PRRC1: variants seen among roughly 807,000 people sequenced by gnomAD.
PRRC1 encodes the protein protein PRRC1.
A neutral mutation model predicts 40.7 loss-of-function variants in PRRC1; 39 were observed. The observed-to-expected ratio is 0.96, with a 90% CI of 0.74 to 1.25. The LOEUF is 1.25. Ranked by LOEUF, PRRC1 falls within the 50% of genes most tolerant of loss-of-function variation. PRRC1 has a pLI of 0.00. For synonymous variants in PRRC1, 175 were observed against 193.3 expected, an observed-to-expected ratio of 0.91 and a Z score of 0.79; for missense variants, 573 against 548.3, an observed-to-expected ratio of 1.05 and a Z score of -0.45.
chr5:127,542,475 G>C lies in PRRC1; in HGVS notation c.1025+3332G>C, dbSNP rs534709973. On this transcript the variant is annotated intron_variant, in intron 7 of 8. Coordinates refer to ENST00000296666, the MANE Select transcript of PRRC1 (RefSeq NM_130809.5). ...ATCTGTCTAATGTTGACAGTGGGGT[G>C]TTAAAATCTCCCATTATTATTGTGT... Among the ~76,000 whole-genome samples, 4 of 152,170 alleles carry C rather than the reference G, an allele frequency of 2.6e-5. No homozygotes were observed. The South Asian group carries it at 8.3e-4, about 32-fold the overall frequency.
At chr5:127,544,676 C>G (rs1418311904) in intron 7 of PRRC1, among the ~76,000 whole-genome samples, 2 of 152,258 alleles carry the variant, frequency 1.3e-5, no homozygotes, top group Non-Finnish European at 2.9e-5. Context: ...GCATAGGACC[C>G]TCTGAACCAG....
At position 127,552,686 on chromosome 5, in the gene PRRC1, G is replaced by A. The variant is rs963148464; in HGVS notation, c.*770G>A. Reference sequence around the variant, plus strand: ...AATCAGAAGTATTCAAATTATTTTTGTATAATACTGTTCAGTACTTCCAAG... The same window carrying A: ...AATCAGAAGTATTCAAATTATTTTTATATAATACTGTTCAGTACTTCCAAG... On this transcript the variant is annotated 3_prime_UTR_variant, in exon 9 of 9. Coordinates refer to ENST00000296666, the MANE Select transcript of PRRC1 (RefSeq NM_130809.5). The A allele has an allele frequency of 1.0e-5, 10 of 982,260 alleles. No individual in the cohort carries two copies. In the African/African-American group the frequency reaches 1.4e-4, roughly 14 times the overall value. The allele number at this position is 982,260 out of a possible 1,614,324, so 60.8% of individuals were successfully genotyped here.
chr5:127,552,416 C>A lies in PRRC1; in HGVS notation c.*500C>A. On this transcript the variant is annotated 3_prime_UTR_variant, in exon 9 of 9. Transcript: ENST00000296666. ...CCTGCTCAACAGTCACTATAAGACA[C>A]CTACTTGTCGGGAGATGTTCCACAT... is the stretch of plus-strand genomic sequence containing the variant. The A allele has an allele frequency of 1.1e-6, 1 of 931,218 alleles. No homozygotes were observed. Among genetic ancestry groups the A allele is most frequent in the African/African-American group, 1.8e-5 (1 of 56,654 alleles). The allele number at this position is 931,218 out of a possible 1,614,324, so 57.7% of individuals were successfully genotyped here. A position where few individuals can be genotyped will look rare whatever the true frequency, so the allele number is the denominator to read the frequency against.
intron 7 of PRRC1, 67 bp from the exon 8 acceptor site, chr5:127,547,752 T>C: frequency 1.9e-6 from 2 of 1,080,316 alleles, no homozygotes; most frequent in Non-Finnish European, 2.8e-6. Flanking sequence ...TTGTTTTTTC[T>C]TTTTGTCTAT....
chr5:127,531,617 C>CTTCTTTTTTTTTTTTTTTTTTTTTT (rs1268819647), intron 5 of PRRC1, among the ~76,000 whole-genome samples: 16 of 99,646 alleles, frequency 1.6e-4, no homozygotes, highest in African/African-American at 7.4e-4. Context: ...TCTTCTTCTT[C>CTTCTTTTTTTTTTTTTTTTTTTTTT]TTTTTTTTTT....
At chr5:127,525,000 T>C in intron 3 of PRRC1, 80 bp downstream of exon 3, 1 of 1,343,592 alleles carries the variant, frequency 7.4e-7, no homozygotes, top group Non-Finnish European at 1.0e-6. Context: ...TTTGTTGAGA[T>C]ATAATTTATG....
At chr5:127,546,974 A>G (rs552100560) in intron 7 of PRRC1, among the ~76,000 whole-genome samples, 94 of 152,258 alleles carry the variant, frequency 6.2e-4, no homozygotes, top group African/African-American at 2.2e-3. Flanking sequence ...AAAGTTATTT[A>G]TGTTACTGTA....
intron 6 of PRRC1, among the ~76,000 whole-genome samples, chr5:127,536,889 A>G (rs1046946020): frequency 2.6e-5 from 4 of 151,914 alleles, no homozygotes; most frequent in Non-Finnish European, 5.9e-5. Context: ...GAAACAGTAG[A>G]GGGAGCTAAT....
At position 127,547,839 on chromosome 5, in the gene PRRC1, T is replaced by C; in HGVS notation, c.1046T>C (p.Leu349Ser). 1 of 1,613,054 alleles carries C rather than the reference T, an allele frequency of 6.2e-7. No individual in the cohort carries two copies. Among genetic ancestry groups the C allele is most frequent in the Non-Finnish European group, 8.5e-7 (1 of 1,179,358 alleles). Residue 349 changes from leucine to serine, a missense_variant, in exon 8 of 9, where the codon TTG becomes TCG. Coordinates refer to ENST00000296666, the MANE Select transcript of PRRC1 (RefSeq NM_130809.5). ...TGCAGATGGTTTGACATTGGTTGTT[T>C]GGTGGTTGAAGATCCTGTCCATGGC... ...LPDKWFDIGCLVVEDPVHGIH... is the reference protein window; with the variant it reads ...LPDKWFDIGCSVVEDPVHGIH...
rs554831879 is a variant in PRRC1, at chr5:127,544,872, G to T, written c.1026-2947G>T. 2.0e-5 allele frequency among the ~76,000 whole-genome samples: 3 copies of T among 152,296 alleles called. No homozygotes were observed. The East Asian group carries it at 5.8e-4, about 29-fold the overall frequency. On this transcript the variant is annotated intron_variant, in intron 7 of 8. Transcript: ENST00000296666. ...CCTCACCCTGCTTCGGCTCGAGCATGGTGCGCTGCACCCACTGTCCTGGGC... is the reference window on the plus strand; with the variant it reads ...CCTCACCCTGCTTCGGCTCGAGCATTGTGCGCTGCACCCACTGTCCTGGGC...
intron 8 of PRRC1, chr5:127,551,445 C>G (rs1305231688): frequency 5.0e-6 from 2 of 403,020 alleles, no homozygotes; most frequent in Non-Finnish European, 4.5e-6. Context: ...TGAAGTGACA[C>G]TTAATTTAGA....
At chr5:127,528,190 C>T (rs1199726486) in intron 4 of PRRC1, among the ~76,000 whole-genome samples, 1 of 152,154 alleles carries the variant, frequency 6.6e-6, no homozygotes, top group African/African-American at 2.4e-5. Context: ...TCTATATGCT[C>T]TCATATGTTG....
chr5:127,529,091 A>C (rs927473009), intron 4 of PRRC1, among the ~76,000 whole-genome samples: 1 of 152,152 alleles, frequency 6.6e-6, no homozygotes, highest in Non-Finnish European at 1.5e-5. Flanking sequence ...TAAGTTGTAT[A>C]AGCTGGCTGA....
rs746509848 is a variant in PRRC1 at position 127,533,746 on chromosome 5, A to G, written c.881A>G (p.Asn294Ser). The change falls in exon 6 of 9, where the codon AAT (asparagine) becomes AGT (serine). Residue 294 changes from asparagine to serine, a missense_variant. Physicochemically the swap from Asn to Ser is conservative, Grantham distance 46. Coordinates refer to ENST00000296666, the MANE Select transcript of PRRC1 (RefSeq NM_130809.5). ...AVVVGEAGQS[N>S]IAPQPVGYAA... Reference sequence around the variant, plus strand: ...GTTGTAGGGGAAGCTGGACAGTCCAATATTGCCCCACAACCAGTGGGCTAT... The same window carrying G: ...GTTGTAGGGGAAGCTGGACAGTCCAGTATTGCCCCACAACCAGTGGGCTAT... The G allele has an allele frequency of 8.7e-6, 14 of 1,614,122 alleles. No individual in the cohort carries two copies. The East Asian group carries it at 2.0e-4, about 23-fold the overall frequency.
chr5:127,554,123 A>T lies in PRRC1; in HGVS notation c.*2207A>T. 1 of 417,376 alleles carries T rather than the reference A, an allele frequency of 2.4e-6. No individual in the cohort carries two copies. 25.9% of individuals were successfully genotyped at this position (417,376 alleles called of 1,614,324 possible). The stretch of plus-strand genomic sequence containing the variant: ...AAAAGTAACTCATCATCTCTAACAC[A>T]CCATGGCAGCTTAGCCAGGTAGTCT... On this transcript the variant is annotated 3_prime_UTR_variant, in exon 9 of 9. Coordinates refer to ENST00000296666, the MANE Select transcript of PRRC1 (RefSeq NM_130809.5).
chr5:127,538,765 A>G (rs192092802), intron 6 of PRRC1, among the ~76,000 whole-genome samples: 82 of 152,234 alleles, frequency 5.4e-4, no homozygotes, highest in Middle Eastern at 3.4e-3. Context: ...GTAACAATCA[A>G]TGAGAAAATG....
At chr5:127,541,767 TTTTC>T (rs1253786929) in intron 7 of PRRC1, among the ~76,000 whole-genome samples, 2 of 152,052 alleles carry the variant, frequency 1.3e-5, no homozygotes, top group Non-Finnish European at 2.9e-5. Flanking sequence ...TTCTCTCTTT[TTTTC>T]TTTATTAGTC....
rs978952931 is a variant in PRRC1, at chr5:127,536,402, G to A, written c.921+2616G>A. On this transcript the variant is annotated intron_variant, in intron 6 of 8. Transcript: ENST00000296666. ...ATAAACCATAAGCATTCATACGGGCGATTTTTACTTGAAAAACTGGAACAA... is the reference window on the plus strand; with the variant it reads ...ATAAACCATAAGCATTCATACGGGCAATTTTTACTTGAAAAACTGGAACAA... Among the ~76,000 whole-genome samples, 4 of 152,002 alleles carry A rather than the reference G, an allele frequency of 2.6e-5. No homozygotes were observed. The East Asian group carries it at 7.7e-4, about 29-fold the overall frequency.
chr5:127,526,329 C>T (rs1310587552), intron 3 of PRRC1, among the ~76,000 whole-genome samples: 1 of 152,198 alleles, frequency 6.6e-6, no homozygotes, highest in East Asian at 1.9e-4. Flanking sequence ...GAGACCTGAA[C>T]TACAGCCGTT....
Sources: gnomAD v4.1 joint callset for allele counts (sites outside exome capture counted in the v4.1 genomes callset) on GRCh38, gnomAD v4.1.1 for gene constraint, MANE v1.5 for transcripts, NCBI Gene and HGNC (gene_info 2026-07-23, HGNC 2026-07-21) for gene names.